Variants in TMEM234 observed in about 807,000 individuals in gnomAD.
TMEM234 encodes the protein chromosome 1 open reading frame 91.
In TMEM234, 21 loss-of-function variants were observed where a neutral mutation model predicts 17.8. The ratio of observed to expected loss-of-function variants is 1.18; its 90% CI spans 0.84 to 1.70. The LOEUF (loss-of-function observed/expected upper bound fraction) is 1.70. TMEM234 is among the 40% of genes most tolerant of loss of function. TMEM234 has a pLI of 0.00. For synonymous variants in TMEM234, 83 were observed against 73.5 expected (o/e 1.13, Z -0.66); for missense variants, 137 against 166.9 (o/e 0.82, Z 0.99).
downstream of TMEM234, chr1:32,215,805 G>A (rs1208543928): frequency 8.4e-6 from 13 of 1,551,834 alleles, no homozygotes; most frequent in Non-Finnish European, 1.1e-5. Context: ...CCTGCAGAGG[G>A]CAGCACAGAT....
At position 32,222,331 on chromosome 1, in the gene TMEM234, C is replaced by G. The variant is rs371804993; in HGVS notation, c.-9G>C. 27 of 1,563,024 alleles carry G rather than the reference C, an allele frequency of 1.7e-5. No individual in the cohort carries two copies. The African/African-American group carries it at 3.4e-4, about 20-fold the overall frequency. ...CCCAGAGACGCCGCCATGGCAACGC[C>G]GCTGTCTTCTACTTCCGGGAACGAA... is the stretch of plus-strand genomic sequence containing the variant. On this transcript the variant is annotated 5_prime_UTR_variant, in exon 1 of 5. Coordinates refer to ENST00000309777, the MANE Select transcript of TMEM234 (RefSeq NM_019118.5).
At chr1:32,220,634 G>C (rs1271336105) in intron 3 of TMEM234, among the ~76,000 whole-genome samples, 1 of 152,184 alleles carries the variant, frequency 6.6e-6, no homozygotes, top group Non-Finnish European at 1.5e-5. Flanking sequence ...TGTAAGACTA[G>C]TGCAGTATCT....
At position 32,217,600 on chromosome 1, in the gene TMEM234, GTCTTTGC is replaced by G. The variant is rs1638518460; in HGVS notation, c.236-256_236-250del. 3.8e-6 allele frequency: 3 copies of G among 780,286 alleles called. No individual in the cohort carries two copies. In the East Asian group the frequency reaches 8.7e-5, roughly 23 times the overall value. The allele number at this position is 780,286 out of a possible 1,614,324, so 48.3% of individuals were successfully genotyped here. On this transcript the variant is annotated intron_variant, in intron 3 of 4. Transcript: ENST00000309777. ...AGCCTGGTTTGATAATGAGAATGAG[GTCTTTGC>G]ACTCAAAGAGAACTCGTGAGATCTC...
intron 3 of TMEM234, chr1:32,217,665 A>C: frequency 7.7e-6 from 4 of 516,644 alleles, no homozygotes; most frequent in East Asian, 9.0e-5. Flanking sequence ...AGGCACCCAA[A>C]TCCCAAAGGA....
chr1:32,214,666 T>G, downstream of TMEM234: 1 of 1,350,746 alleles, frequency 7.4e-7, no homozygotes, highest in Non-Finnish European at 1.0e-6. Context: ...AGGACGTACT[T>G]TGTGAAGACA....
intron 2 of TMEM234, 69 bp from the exon 3 acceptor site, chr1:32,221,266 T>C (rs1638882961): frequency 8.1e-7 from 1 of 1,228,098 alleles, no homozygotes; most frequent in East Asian, 2.4e-5. Context: ...TTTGAGCTCC[T>C]AGCGAATGTC....
downstream of TMEM234, chr1:32,214,904 C>G: frequency 6.2e-7 from 1 of 1,614,008 alleles, no homozygotes; most frequent in South Asian, 1.1e-5. Context: ...AGCCAAGAAG[C>G]AAGCTCCCCA....
chr1:32,215,012 T>A (rs1448218151), downstream of TMEM234: 2 of 1,550,938 alleles, frequency 1.3e-6, no homozygotes, highest in Non-Finnish European at 1.7e-6. Context: ...TTGTTGGGGA[T>A]GTCCATGGGA....
At chr1:32,215,983 C>G, downstream of TMEM234, 5 of 1,154,532 alleles carry the variant, frequency 4.3e-6, no homozygotes, top group South Asian at 6.7e-5. Flanking sequence ...CCTCAGGAGC[C>G]AGCACCTCCG....
rs1638470989 is a variant in TMEM234 at position 32,217,177 on chromosome 1, G to A, written c.328+82C>T. 13 of 1,612,528 alleles carry A rather than the reference G, an allele frequency of 8.1e-6. No individual in the cohort carries two copies. The South Asian group carries it at 1.1e-4, about 14-fold the overall frequency. On this transcript the variant is annotated intron_variant, in intron 4 of 4. Transcript: ENST00000309777. ...AGGCCGTGTCCTCACCCACTCTGGG[G>A]AGATGGGTTCTGGGAAGGAACTAAC...
At chr1:32,214,631 T>A (rs1249575334), downstream of TMEM234, 1 of 933,298 alleles carries the variant, frequency 1.1e-6, no homozygotes, top group Non-Finnish European at 1.6e-6. Flanking sequence ...TAAGTCAGGC[T>A]GGTGGGAAGA....
Position 32,222,290 on chromosome 1 carries a change from C to T in TMEM234, c.16+17G>A. 1 of 1,544,188 alleles carries T rather than the reference C, an allele frequency of 6.5e-7. No individual in the cohort carries two copies. The highest frequency in any genetic ancestry group is 8.7e-7 in the Non-Finnish European group (1 of 1,146,184). On this transcript the variant is annotated intron_variant, in intron 1 of 4. Coordinates refer to ENST00000309777, the MANE Select transcript of TMEM234 (RefSeq NM_019118.5). ...GAGGGTCGGGAAATCCATGGAAGGG[C>T]GGGGCCGGCTACCTACCCAGAGACG...
chr1:32,216,407 C>G lies in TMEM234; in HGVS notation c.*446G>C. 1 of 1,551,636 alleles carries G rather than the reference C, an allele frequency of 6.4e-7. No homozygotes were observed. Among genetic ancestry groups the G allele is most frequent in the Non-Finnish European group, 8.7e-7 (1 of 1,146,982 alleles). On this transcript the variant is annotated 3_prime_UTR_variant, in exon 5 of 5. Coordinates refer to ENST00000309777, the MANE Select transcript of TMEM234 (RefSeq NM_019118.5). ...ACCTTCTTCCCTCGGTTCCACCCCT[C>G]ATTCAGCCAAAGCGCTCTGACTGAG...
At chr1:32,215,365 A>G, downstream of TMEM234, 1 of 1,249,478 alleles carries the variant, frequency 8.0e-7, no homozygotes, top group Non-Finnish European at 1.1e-6. Context: ...GAAAGGGGCT[A>G]GCATGAAGGT....
chr1:32,214,833 C>T, downstream of TMEM234: 1 of 1,613,956 alleles, frequency 6.2e-7, no homozygotes, highest in Non-Finnish European at 8.5e-7. Context: ...CCAGCCCTCT[C>T]CAAAGGAACC....
chr1:32,216,627 G>C lies in TMEM234; in HGVS notation c.*226C>G. On this transcript the variant is annotated 3_prime_UTR_variant, in exon 5 of 5. Transcript: ENST00000309777. ...GGCAGAAAGGTTGCTGAGGGTGAGC[G>C]TAGAGTCTCCTGTGCTAAATCCCCG... 6.5e-7 allele frequency: 1 copy of C among 1,528,722 alleles called. No individual in the cohort carries two copies. The allele number at this position is 1,528,722 out of a possible 1,614,324, so 94.7% of individuals were successfully genotyped here. A position where few individuals can be genotyped will look rare whatever the true frequency, so the allele number is the denominator to read the frequency against.
At chr1:32,219,465 T>C (rs968016742) in intron 3 of TMEM234, among the ~76,000 whole-genome samples, 5 of 152,164 alleles carry the variant, frequency 3.3e-5, no homozygotes, top group African/African-American at 1.2e-4. Context: ...AGGTCAAGGC[T>C]CACTGCAGCC....
chr1:32,215,902 C>T (rs1638345224), downstream of TMEM234: 2 of 1,550,108 alleles, frequency 1.3e-6, no homozygotes. Flanking sequence ...TCTTGAGAGC[C>T]AGCAGCTCCA....
At chr1:32,219,299 C>T (rs1452334901) in intron 3 of TMEM234, among the ~76,000 whole-genome samples, 1 of 152,214 alleles carries the variant, frequency 6.6e-6, no homozygotes, top group African/African-American at 2.4e-5. Context: ...GCTCCTCATC[C>T]CCTGGGAGGC....
Sources: allele counts gnomAD v4.1 joint callset (sites outside exome capture counted in the v4.1 genomes callset), GRCh38; gene constraint gnomAD v4.1.1; transcripts MANE v1.5; gene names NCBI Gene and HGNC (gene_info 2026-07-23, HGNC 2026-07-21).